PP2D1: variants seen among roughly 807,000 people sequenced by gnomAD.
PP2D1 encodes protein phosphatase 2C like domain containing 1.
In PP2D1, 25 loss-of-function variants were observed where a neutral mutation model predicts 30.2. That is an observed-to-expected ratio of 0.83 (90% CI 0.60 to 1.16). PP2D1 has a LOEUF of 1.16. Ranked by LOEUF, PP2D1 falls within the 50% of genes most tolerant of loss-of-function variation. The probability of loss-of-function intolerance (pLI) is 0.00; values close to 1 mark genes in which losing one functional copy is unlikely to be tolerated. For missense variants in PP2D1, 760 were observed against 742.4 expected, an observed-to-expected ratio of 1.02 and a Z score of -0.28; for synonymous variants, 260 against 258.9, an observed-to-expected ratio of 1.00 and a Z score of -0.04.
At chr3:20,011,014 T>C (rs1427198852) in intron 1 of PP2D1, among the ~76,000 whole-genome samples, 3 of 152,052 alleles carry the variant, frequency 2.0e-5, no homozygotes, top group Non-Finnish European at 2.9e-5. Context: ...CAAAGTCCCA[T>C]TATTGTGCCC....
At chr3:20,005,209 A>G (rs1697304491) in intron 1 of PP2D1, among the ~76,000 whole-genome samples, 1 of 151,784 alleles carries the variant, frequency 6.6e-6, no homozygotes, top group South Asian at 2.1e-4. Flanking sequence ...CTGGAGTACA[A>G]GGGCGCAATC....
chr3:19,985,417 AT>A lies in PP2D1; in HGVS notation c.1855del (p.Ile619TyrfsTer11), dbSNP rs1697013330. On this transcript the variant is annotated frameshift_variant, in exon 3 of 3. Transcript: ENST00000389050. LOFTEE classifies it high-confidence loss of function. ...GSRDNITVMV[I>X]FLNGSEYQLL... ...CTGATATTCACTTCCATTGAGAAAT[AT>A]TACCATAACTGTAATGTTGTCTCTG... is the stretch of plus-strand genomic sequence containing the variant. The A allele has an allele frequency of 6.5e-7, 1 of 1,534,488 alleles. No individual in the cohort carries two copies. The highest frequency in any genetic ancestry group is 1.4e-5 in the African/African-American group (1 of 73,074).
At chr3:19,984,043 T>C (rs1463921789), downstream of PP2D1, 3 of 491,626 alleles carry the variant, frequency 6.1e-6, no homozygotes, top group Admixed American at 3.7e-5. Context: ...AAATGAGAAC[T>C]ATGTGGACAC....
downstream of PP2D1, among the ~76,000 whole-genome samples, chr3:19,981,335 G>A (rs985973986): frequency 2.0e-5 from 3 of 152,084 alleles, no homozygotes; most frequent in Admixed American, 6.6e-5. Flanking sequence ...CAGGCTGGGC[G>A]CAGTGGCTCA....
At chr3:19,983,481 C>T (rs371238526), downstream of PP2D1, among the ~76,000 whole-genome samples, 15 of 152,128 alleles carry the variant, frequency 9.9e-5, no homozygotes, top group East Asian at 2.7e-3. Context: ...TACAACCAGT[C>T]CCCATCTACC....
rs1166650825 is a variant in PP2D1 at position 20,002,116 on chromosome 3, T to C, written c.24-20A>G. ...AACACTCTGCAAACAGGATGAAAGA[T>C]ATTTACATGCCAGGATGATGCAGCG... On this transcript the variant is annotated intron_variant, in intron 1 of 2. Coordinates refer to ENST00000389050, the MANE Select transcript of PP2D1 (RefSeq NM_001252657.2). 2.7e-6 allele frequency: 4 copies of C among 1,469,352 alleles called. No homozygotes were observed. Among genetic ancestry groups the C allele is most frequent in the East Asian group, 4.9e-5 (2 of 40,638 alleles). The allele number at this position is 1,469,352 out of a possible 1,614,324, so 91.0% of individuals were successfully genotyped here.
chr3:20,008,630 T>C (rs1697351352), intron 1 of PP2D1, among the ~76,000 whole-genome samples: 1 of 152,102 alleles, frequency 6.6e-6, no homozygotes, highest in Non-Finnish European at 1.5e-5. Flanking sequence ...CTCACACCTG[T>C]AATCTCAGCT....
At chr3:19,988,019 C>T (rs1032959724) in intron 2 of PP2D1, among the ~76,000 whole-genome samples, 4 of 152,132 alleles carry the variant, frequency 2.6e-5, no homozygotes, top group African/African-American at 9.7e-5. Context: ...CTGTCATCTT[C>T]GTAAGCTGGG....
At chr3:19,980,382 TAAAAG>T (rs1198209217), downstream of PP2D1, among the ~76,000 whole-genome samples, 3 of 152,288 alleles carry the variant, frequency 2.0e-5, no homozygotes, top group Non-Finnish European at 4.4e-5. Context: ...TTGCACTTCT[TAAAAG>T]AAAATCTATG....
At chr3:19,990,770 T>TG (rs1697109717) in intron 2 of PP2D1, among the ~76,000 whole-genome samples, 3 of 138,150 alleles carry the variant, frequency 2.2e-5, no homozygotes, top group Non-Finnish European at 4.6e-5. Context: ...TTTTTTTTTT[T>TG]GCGGAGTCTT....
intron 2 of PP2D1, chr3:19,996,932 AT>A (rs1329470187): frequency 1.3e-5 from 2 of 152,012 alleles, no homozygotes; most frequent in African/African-American, 2.4e-5. Context: ...TAAAATAAAT[AT>A]GACACATTAC....
In PP2D1 at chr3:19,987,037, C is replaced by CA. The variant is rs36014617; in HGVS notation, c.1091-856dup. Among the ~76,000 whole-genome samples, 1,093 of 116,466 alleles carry CA rather than the reference C, an allele frequency of 9.4e-3. 2 individuals carry two copies. The highest frequency in any genetic ancestry group is 0.024 in the South Asian group (87 of 3,650). The allele number at this position is 116,466 out of a possible 152,430, so 76.4% of individuals were successfully genotyped here. A position where few individuals can be genotyped will look rare whatever the true frequency, so the allele number is the denominator to read the frequency against. The stretch of plus-strand genomic sequence containing the variant: ...GGGCAACAAGAGCAAAAATCTGCCT[C>CA]AAAAAAAAAAAAAAAAATCATTCCT... On this transcript the variant is annotated intron_variant, in intron 2 of 2. Transcript: ENST00000389050.
At chr3:19,985,327 A>T, downstream of PP2D1, 1 of 1,222,474 alleles carries the variant, frequency 8.2e-7, no homozygotes, top group Middle Eastern at 2.0e-4. Context: ...TAGCTGGATC[A>T]TTGAAGAATC....
At chr3:19,997,312 T>C (rs779398283) in intron 2 of PP2D1, among the ~76,000 whole-genome samples, 9 of 151,732 alleles carry the variant, frequency 5.9e-5, no homozygotes, top group Non-Finnish European at 1.0e-4. Context: ...TCTCAATAAA[T>C]GCCCCCCAAA....
chr3:20,003,655 A>G (rs1697283492), intron 1 of PP2D1, among the ~76,000 whole-genome samples: 2 of 151,806 alleles, frequency 1.3e-5, no homozygotes, highest in Admixed American at 6.6e-5. Context: ...GAGGCGGGAG[A>G]ATTGCTTGAA....
At chr3:20,006,307 A>G (rs1697317938) in intron 1 of PP2D1, among the ~76,000 whole-genome samples, 1 of 152,202 alleles carries the variant, frequency 6.6e-6, no homozygotes, top group Non-Finnish European at 1.5e-5. Context: ...CCCATTTTGC[A>G]TACCATCCTA....
At chr3:20,005,830 T>C (rs1697311497) in intron 1 of PP2D1, among the ~76,000 whole-genome samples, 1 of 152,188 alleles carries the variant, frequency 6.6e-6, no homozygotes, top group African/African-American at 2.4e-5. Context: ...CCCACCCCAC[T>C]TGAACCCGGG....
At chr3:19,983,491 C>T (rs1030491675), downstream of PP2D1, among the ~76,000 whole-genome samples, 10 of 152,100 alleles carry the variant, frequency 6.6e-5, no homozygotes, top group African/African-American at 2.2e-4. Context: ...CCCCATCTAC[C>T]GTTCCCCCAA....
intron 1 of PP2D1, among the ~76,000 whole-genome samples, chr3:20,008,639 C>T (rs1697351491): frequency 6.6e-6 from 1 of 152,164 alleles, no homozygotes; most frequent in Admixed American, 6.5e-5. Flanking sequence ...GTAATCTCAG[C>T]TACTCAGGAT....
Sources: gnomAD v4.1 joint callset for allele counts (sites outside exome capture counted in the v4.1 genomes callset) on GRCh38, gnomAD v4.1.1 for gene constraint, MANE v1.5 for transcripts, NCBI Gene and HGNC (gene_info 2026-07-23, HGNC 2026-07-21) for gene names.